The following IPO7 variants were observed in gnomAD, a reference collection of about 807,000 sequenced individuals.
IPO7 encodes the protein importin 7.
Under a neutral mutation model 136.4 loss-of-function variants are expected in IPO7, and 13 were observed. The ratio of observed to expected loss-of-function variants is 0.10; its 90% confidence interval spans 0.06 to 0.15. The LOEUF (loss-of-function observed/expected upper bound fraction) is 0.15. Among genes scored for constraint, IPO7 ranks in the 10% least tolerant of loss-of-function variants. The pLI, the probability that IPO7 is intolerant of heterozygous loss-of-function variation, is 1.00. For synonymous variants in IPO7, 403 were observed against 404.4 expected, an observed-to-expected ratio of 1.00 and a Z score of 0.04; for missense variants, 857 against 1,240.6, an observed-to-expected ratio of 0.69 and a Z score of 4.65.
At chr11:9,418,081 G>GT (rs950632114) in intron 6 of IPO7, among the ~76,000 whole-genome samples, 5 of 146,344 alleles carry the variant, frequency 3.4e-5, no homozygotes, top group African/African-American at 5.0e-5. Flanking sequence ...GTTTTGTTTT[G>GT]TTTTTTTGAG....
intron 18 of IPO7, among the ~76,000 whole-genome samples, chr11:9,434,534 G>A (rs1565003249): frequency 6.6e-6 from 1 of 152,138 alleles, no homozygotes; most frequent in Non-Finnish European, 1.5e-5. Flanking sequence ...AGGCTTAGTG[G>A]ATCACACCTG....
rs548868525 is a variant in IPO7 at position 9,434,198 on chromosome 11, C to T, written c.2074+352C>T. ...TCAGCCTCCCAAAGTGCTGGGATTA[C>T]AGGCATGAGCCACTGCGCCTGGCCT... On this transcript the variant is annotated intron_variant, in intron 18 of 24. Transcript: ENST00000379719. 4.6e-5 allele frequency among the ~76,000 whole-genome samples: 7 copies of T among 152,264 alleles called. No individual in the cohort carries two copies. The East Asian group carries it at 1.4e-3, about 29-fold the overall frequency.
At chr11:9,406,276 CA>C (rs1047490614) in intron 2 of IPO7, among the ~76,000 whole-genome samples, 4 of 151,632 alleles carry the variant, frequency 2.6e-5, no homozygotes, top group African/African-American at 9.7e-5. Flanking sequence ...GTGCTGGGAT[CA>C]AAGACGTGAG....
chr11:9,414,201 T>C, intron 4 of IPO7, 54 bp from the exon 5 acceptor site: 1 of 1,300,576 alleles, frequency 7.7e-7, no homozygotes, highest in Non-Finnish European at 1.1e-6. Flanking sequence ...TTTAAATATA[T>C]ATACAATTGT....
chr11:9,407,897 A>G (rs1854909748), intron 2 of IPO7, among the ~76,000 whole-genome samples: 1 of 152,222 alleles, frequency 6.6e-6, no homozygotes, highest in Non-Finnish European at 1.5e-5. Flanking sequence ...ACTTTTGTCA[A>G]ATAGCAATGT....
chr11:9,442,000 G>T, intron 23 of IPO7, 81 bp from the exon 24 acceptor site: 1 of 651,952 alleles, frequency 1.5e-6, no homozygotes, highest in South Asian at 2.0e-5. Context: ...CCTCGGGATG[G>T]AGTAGGAGGA....
rs559193323 is a variant in IPO7 at position 9,409,762 on chromosome 11, C to T, written c.321-166C>T. On this transcript the variant is annotated intron_variant, in intron 3 of 24. Transcript: ENST00000379719. ...TGTATTTGTAACATTTGCTGGTTTT[C>T]GTTTGCTCAGTGACTTATTCTGAAT... Among the ~76,000 whole-genome samples, 7 of 152,262 alleles carry T rather than the reference C, an allele frequency of 4.6e-5. No individual in the cohort carries two copies. In the South Asian group the frequency reaches 1.0e-3, roughly 23 times the overall value.
Position 9,447,139 on chromosome 11 carries a change from A to G in IPO7, c.*1945A>G, listed in dbSNP as rs933538301. 1.3e-5 allele frequency: 2 copies of G among 152,212 alleles called. No homozygotes were observed. Among genetic ancestry groups the G allele is most frequent in the African/African-American group, 4.8e-5 (2 of 41,460 alleles). 9.4% of individuals were successfully genotyped at this position (152,212 alleles called of 1,614,324 possible). On this transcript the variant is annotated 3_prime_UTR_variant, in exon 25 of 25. Transcript: ENST00000379719. ...CCTTTAATCCCCTAATACCTAGTCT[A>G]CTTTTTAAATTTTCAGACTTCACTG...
chr11:9,388,061 C>G (rs542942613), intron 1 of IPO7, among the ~76,000 whole-genome samples: 4 of 151,376 alleles, frequency 2.6e-5, no homozygotes, highest in Admixed American at 6.6e-5. Context: ...GCAGGAGAAT[C>G]GCTTGAACCC....
At chr11:9,427,386 G>A (rs532138348) in intron 12 of IPO7, among the ~76,000 whole-genome samples, 8 of 151,858 alleles carry the variant, frequency 5.3e-5, no homozygotes, top group Non-Finnish European at 1.2e-4. Flanking sequence ...TCAGCCTCCC[G>A]AGTAGCTGGG....
rs1410757808 is a variant in IPO7 at position 9,445,240 on chromosome 11, G to A, written c.*46G>A. On this transcript the variant is annotated 3_prime_UTR_variant, in exon 25 of 25. Transcript: ENST00000379719. ...TGTGTGCTTGTAGTGAAGAGCTTGTGTTCCTCCTAGTAGTGGTTCCAGAAC... is the reference window on the plus strand; with the variant it reads ...TGTGTGCTTGTAGTGAAGAGCTTGTATTCCTCCTAGTAGTGGTTCCAGAAC... 3 of 1,160,676 alleles carry A rather than the reference G, an allele frequency of 2.6e-6. No individual in the cohort carries two copies. Among genetic ancestry groups the A allele is most frequent in the Non-Finnish European group, 3.9e-6 (3 of 768,354 alleles). The allele number at this position is 1,160,676 out of a possible 1,614,324, so 71.9% of individuals were successfully genotyped here.
chr11:9,423,109 T>A lies in IPO7; in HGVS notation c.1010T>A (p.Leu337His), dbSNP rs1855157376. The A allele has an allele frequency of 6.3e-7, 1 of 1,590,028 alleles. No individual in the cohort carries two copies. Among genetic ancestry groups the A allele is most frequent in the African/African-American group, 1.3e-5 (1 of 74,308 alleles). Residue 337 changes from leucine (L) to histidine (H), a missense_variant, in exon 9 of 25, where the codon CTC (leucine) becomes CAC (histidine). Transcript: ENST00000379719. ...ATTAATCAAGGAGTTTCTCATGCTC[T>A]CACCTGGAAGAATCTGAAGCCCCAT... ...NYINQGVSHA[L>H]TWKNLKPHIQ...
intron 8 of IPO7, among the ~76,000 whole-genome samples, chr11:9,422,152 G>A (rs1329004022): frequency 2.0e-5 from 3 of 152,134 alleles, no homozygotes; most frequent in Non-Finnish European, 4.4e-5. Context: ...GGTGGTGCAT[G>A]TCTGTAATCC....
chr11:9,442,187 A>T lies in IPO7; in HGVS notation c.3009A>T (p.Arg1003Ser). 1 of 1,541,202 alleles carries T rather than the reference A, an allele frequency of 6.5e-7. No individual in the cohort carries two copies. Reference sequence around the variant, plus strand: ...TAGCAACTCTGGCTGATCAAAGAAGAGCAGCCCATGGTATGTTAATTAACT... The same window carrying T: ...TAGCAACTCTGGCTGATCAAAGAAGTGCAGCCCATGGTATGTTAATTAACT... Reference protein sequence around the residue: ...QDIATLADQRRAAHESKMIEK... With the variant: ...QDIATLADQRSAAHESKMIEK... Residue 1003 changes from arginine (R) to serine (S), a missense_variant, in exon 24 of 25, where the codon AGA becomes AGT. By Grantham distance (110) the Arg-to-Ser change is moderately radical. This residue lies in a region of IPO7 where 119 missense variants were observed against 155.5 expected (regional missense o/e 0.77). Transcript: ENST00000379719.
At chr11:9,424,875 A>G in intron 10 of IPO7, 39 bp from the exon 11 acceptor site, 1 of 1,214,096 alleles carries the variant, frequency 8.2e-7, no homozygotes, top group Non-Finnish European at 1.2e-6. Context: ...TGTTGAAGAA[A>G]TTAATGTTTA....
chr11:9,416,206 C>T (rs749563853), intron 5 of IPO7, among the ~76,000 whole-genome samples: 6 of 152,166 alleles, frequency 3.9e-5, no homozygotes, highest in Non-Finnish European at 8.8e-5. Context: ...GACTTCACCT[C>T]CATTAAGACT....
At chr11:9,410,110 T>G in intron 4 of IPO7, 24 bp downstream of exon 4, 2 of 1,485,858 alleles carry the variant, frequency 1.3e-6, no homozygotes, top group South Asian at 2.8e-5. Context: ...TCAACTCCTA[T>G]AGAGCTTTGA....
chr11:9,433,448 A>G, intron 16 of IPO7, 122 bp from the exon 17 acceptor site: 1 of 644,696 alleles, frequency 1.6e-6, no homozygotes, highest in Non-Finnish European at 2.7e-6. Context: ...ATTTTAAAAC[A>G]AAGACTTATT....
chr11:9,427,996 T>C (rs575123494), intron 12 of IPO7, among the ~76,000 whole-genome samples: 5 of 152,302 alleles, frequency 3.3e-5, no homozygotes, highest in South Asian at 2.1e-4. Flanking sequence ...ACTTAGAAAA[T>C]ACTCACTTTG....
Sources: allele counts gnomAD v4.1 joint callset (sites outside exome capture counted in the v4.1 genomes callset), GRCh38; gene constraint gnomAD v4.1.1; regional missense constraint gnomAD v4.1.1; transcripts MANE v1.5; gene names NCBI Gene and HGNC (gene_info 2026-07-23, HGNC 2026-07-21).